Variants in UBR3 observed in about 807,000 individuals in gnomAD.
UBR3 encodes the protein ubiquitin protein ligase E3 component n-recognin 3.
UBR3 carries 85 observed loss-of-function variants against 243.2 expected under a neutral mutation model. The ratio of observed to expected loss-of-function variants is 0.35; its 90% CI spans 0.29 to 0.42. The LOEUF (loss-of-function observed/expected upper bound fraction) is 0.42. Ranked by LOEUF, UBR3 falls within the 10% of genes least tolerant of loss-of-function variation. The pLI, the probability that UBR3 is intolerant of heterozygous loss-of-function variation, is 1.00. For missense variants in UBR3, 1,686 were observed against 2,300.8 expected (o/e 0.73, Z 5.47); for synonymous variants, 748 against 799.8 (o/e 0.94, Z 1.09).
chr2:169,878,945 G>A (rs2083718566), intron 5 of UBR3, among the ~76,000 whole-genome samples: 1 of 152,012 alleles, frequency 6.6e-6, no homozygotes, highest in South Asian at 2.1e-4. Flanking sequence ...ATTTCGCTAA[G>A]TTTAGGATAA....
chr2:169,997,246 G>T (rs565561328), intron 26 of UBR3, among the ~76,000 whole-genome samples: 1 of 152,248 alleles, frequency 6.6e-6, no homozygotes, highest in African/African-American at 2.4e-5. Flanking sequence ...GGGCCCACTG[G>T]GCTCACTCTA....
At chr2:170,032,293 T>C (rs1439386303) in intron 31 of UBR3, among the ~76,000 whole-genome samples, 1 of 152,066 alleles carries the variant, frequency 6.6e-6, no homozygotes, top group Non-Finnish European at 1.5e-5. Context: ...GTCACACATA[T>C]CTGGATATTT....
At chr2:169,899,534 G>A (rs2084729620) in intron 8 of UBR3, among the ~76,000 whole-genome samples, 3 of 151,836 alleles carry the variant, frequency 2.0e-5, no homozygotes, top group South Asian at 4.2e-4. Context: ...TATACTTTAA[G>A]GTCTGGGGTA....
chr2:169,998,915 G>T lies in UBR3; in HGVS notation c.3919-2389G>T, dbSNP rs1332075427. Among the ~76,000 whole-genome samples, 3 of 152,262 alleles carry T rather than the reference G, an allele frequency of 2.0e-5. No homozygotes were observed. The South Asian group carries it at 6.2e-4, about 32-fold the overall frequency. On this transcript the variant is annotated intron_variant, in intron 26 of 38. Transcript: ENST00000272793. ...TTATCATTCCTCTCTTGTAAAAAGGGATAACTCCAGCTTCTTTATGAGGTT... is the reference window on the plus strand; with the variant it reads ...TTATCATTCCTCTCTTGTAAAAAGGTATAACTCCAGCTTCTTTATGAGGTT...
At chr2:169,903,971 A>G (rs2084922469) in intron 8 of UBR3, among the ~76,000 whole-genome samples, 1 of 152,146 alleles carries the variant, frequency 6.6e-6, no homozygotes. Flanking sequence ...GATTTCCTTG[A>G]CTGGAGTTCT....
At chr2:169,866,259 A>C (rs2105306086) in intron 1 of UBR3, among the ~76,000 whole-genome samples, 1 of 146,026 alleles carries the variant, frequency 6.8e-6, no homozygotes, top group South Asian at 2.1e-4. Context: ...TGTGTCTCAA[A>C]AAAAAAAAAA....
chr2:169,841,603 G>A lies in UBR3; in HGVS notation c.545+13551G>A, dbSNP rs2082291078. 2.6e-5 allele frequency among the ~76,000 whole-genome samples: 4 copies of A among 152,332 alleles called. No individual in the cohort carries two copies. In the South Asian group the frequency reaches 8.3e-4, roughly 32 times the overall value. ...CCAGCTGGAGTTCCGGGTGGGCGTG[G>A]GCTTGGTGGGCCCTGCACTCGGAGC... On this transcript the variant is annotated intron_variant, in intron 1 of 38. Coordinates refer to ENST00000272793, the MANE Select transcript of UBR3 (RefSeq NM_172070.4).
intron 8 of UBR3, among the ~76,000 whole-genome samples, chr2:169,898,316 A>G (rs2084668907): frequency 6.6e-6 from 1 of 152,108 alleles, no homozygotes. Context: ...ATTGATATGA[A>G]CTCAGTGCAA....
At chr2:170,034,013 G>GT (rs1559204942) in intron 31 of UBR3, among the ~76,000 whole-genome samples, 6 of 71,004 alleles carry the variant, frequency 8.5e-5, no homozygotes, top group Admixed American at 1.3e-4. Context: ...AAAGACTTTG[G>GT]TTTGTTTTTT....
intron 10 of UBR3, among the ~76,000 whole-genome samples, chr2:169,911,038 C>A (rs2085233570): frequency 6.6e-6 from 1 of 152,048 alleles, no homozygotes; most frequent in South Asian, 2.1e-4. Context: ...TAAAAGGAAA[C>A]TTCACTTGAT....
chr2:170,059,533 TAAATC>T (rs1202487691), intron 33 of UBR3, among the ~76,000 whole-genome samples: 4 of 152,224 alleles, frequency 2.6e-5, no homozygotes, highest in African/African-American at 9.6e-5. Flanking sequence ...ATAATTTACT[TAAATC>T]AATTTTAAAA....
chr2:169,958,569 A>G lies in UBR3; in HGVS notation c.3634+43A>G, dbSNP rs1465867969. The G allele has an allele frequency of 2.6e-6, 4 of 1,544,418 alleles. No individual in the cohort carries two copies. In the Admixed American group the frequency reaches 5.2e-5, roughly 20 times the overall value. On this transcript the variant is annotated intron_variant, in intron 24 of 38. Coordinates refer to ENST00000272793, the MANE Select transcript of UBR3 (RefSeq NM_172070.4). ...GTTTAGAACTCTCATAATTATACTT[A>G]TTACTTTAGGGATGATGTAGTCCAG...
chr2:169,897,592 G>C (rs2084641704), intron 8 of UBR3, among the ~76,000 whole-genome samples: 1 of 152,002 alleles, frequency 6.6e-6, no homozygotes, highest in Non-Finnish European at 1.5e-5. Context: ...TCCGCCTCCT[G>C]GGTTCAGTTC....
chr2:170,036,761 T>A (rs2090842656), intron 31 of UBR3, among the ~76,000 whole-genome samples: 1 of 152,232 alleles, frequency 6.6e-6, no homozygotes, highest in East Asian at 1.9e-4. Context: ...TTTGTCATAG[T>A]TGTTTATAAG....
At chr2:169,927,163 C>T (rs1441148130) in intron 16 of UBR3, among the ~76,000 whole-genome samples, 157 bp from the exon 17 acceptor site, 1 of 152,226 alleles carries the variant, frequency 6.6e-6, no homozygotes. Flanking sequence ...CTGCAAACAG[C>T]AGTTAAACTG....
At chr2:169,873,048 A>G (rs570258277) in intron 2 of UBR3, among the ~76,000 whole-genome samples, 3 of 152,176 alleles carry the variant, frequency 2.0e-5, no homozygotes, top group Admixed American at 1.3e-4. Context: ...TATGAATCAA[A>G]TTTATTAACT....
intron 24 of UBR3, among the ~76,000 whole-genome samples, chr2:169,970,503 T>A (rs2088080095): frequency 9.8e-6 from 1 of 102,310 alleles, no homozygotes; most frequent in Non-Finnish European, 2.0e-5. Flanking sequence ...GTCCCCAGAG[T>A]GTGATGTTCC....
intron 11 of UBR3, among the ~76,000 whole-genome samples, chr2:169,920,438 C>G (rs1173518137): frequency 2.7e-5 from 4 of 150,088 alleles, no homozygotes; most frequent in African/African-American, 7.4e-5. Flanking sequence ...GCACATTGTG[C>G]ACATGTACCC....
intron 36 of UBR3, chr2:170,077,617 ACT>A: frequency 4.2e-6 from 2 of 476,056 alleles, no homozygotes; most frequent in Non-Finnish European, 7.5e-6. Flanking sequence ...ACAGAGTCTC[ACT>A]CTGTTGCCCA....
Sources: allele counts gnomAD v4.1 joint callset (sites outside exome capture counted in the v4.1 genomes callset), GRCh38; gene constraint gnomAD v4.1.1; transcripts MANE v1.5; gene names NCBI Gene and HGNC (gene_info 2026-07-23, HGNC 2026-07-21).